The following TMEM184B variants were observed in gnomAD, a reference collection of about 807,000 sequenced individuals.
The protein encoded by TMEM184B is transmembrane protein 184B.
Under a neutral mutation model 41.8 loss-of-function variants are expected in TMEM184B, and 17 were observed. That is an observed-to-expected ratio of 0.41 (90% CI 0.28 to 0.61). TMEM184B has a LOEUF of 0.61. Among genes scored for constraint, TMEM184B ranks in the 20% least tolerant of loss-of-function variants. The pLI, the probability that TMEM184B is intolerant of heterozygous loss-of-function variation, is 0.34. For missense variants in TMEM184B, 393 were observed against 557.8 expected, an observed-to-expected ratio of 0.70 and a Z score of 2.98; for synonymous variants, 240 against 229.5, an observed-to-expected ratio of 1.05 and a Z score of -0.41.
rs572350266 is a variant in TMEM184B at position 38,225,271 on chromosome 22, A to G, written c.787+153T>C. 6.6e-6 allele frequency among the ~76,000 whole-genome samples: 1 copy of G among 152,082 alleles called. No individual in the cohort carries two copies. Among genetic ancestry groups the G allele is most frequent in the Non-Finnish European group, 1.5e-5 (1 of 68,012 alleles). ...CCCTAGCCCCTGGGAAAGGCCCTCG[A>G]GGGCTCAGATTTCACCCCCAGCAAG... On this transcript the variant is annotated intron_variant, in intron 7 of 8. Coordinates refer to ENST00000361906, the MANE Select transcript of TMEM184B (RefSeq NM_012264.5). The surrounding 1 kb of genome is among the most constrained non-coding windows in gnomAD (Gnocchi z 4.4).
rs1329906914 is a variant in TMEM184B, at chr22:38,239,674, G to C, written c.358+6261C>G. On this transcript the variant is annotated intron_variant, in intron 3 of 8. Coordinates refer to ENST00000361906, the MANE Select transcript of TMEM184B (RefSeq NM_012264.5). This position sits in a 1 kb window ranked among gnomAD's most constrained non-coding sequence, Gnocchi z 4.6. ...TGAGACAGCTCTATCCTCAGAACAC[G>C]GTCCAGCTGAGGGCAGTAATGGGAC... 6.6e-6 allele frequency among the ~76,000 whole-genome samples: 1 copy of C among 152,136 alleles called. No homozygotes were observed. The highest frequency in any genetic ancestry group is 6.5e-5 in the Admixed American group (1 of 15,278).
At chr22:38,264,696 G>A (rs2092419683) in intron 1 of TMEM184B, among the ~76,000 whole-genome samples, 1 of 152,166 alleles carries the variant, frequency 6.6e-6, no homozygotes, top group Non-Finnish European at 1.5e-5. Context: ...TATCAAGTCA[G>A]GACAGCCAAC....
intron 1 of TMEM184B, among the ~76,000 whole-genome samples, chr22:38,255,182 T>C (rs1488157041): frequency 1.3e-5 from 2 of 152,172 alleles, no homozygotes; most frequent in Non-Finnish European, 2.9e-5. Context: ...CGTGTCACCA[T>C]GCCCAGCTAA....
intron 2 of TMEM184B, among the ~76,000 whole-genome samples, chr22:38,247,468 C>T (rs1201916595): frequency 1.3e-5 from 2 of 152,198 alleles, no homozygotes; most frequent in South Asian, 2.1e-4. Flanking sequence ...GACTTCTTGG[C>T]GCACGCCTGT....
intron 4 of TMEM184B, 108 bp from the exon 5 acceptor site, chr22:38,230,852 C>T: frequency 9.3e-7 from 1 of 1,079,814 alleles, no homozygotes. Context: ...AGCTGGGGCA[C>T]ACATTCTGGG....
intron 1 of TMEM184B, among the ~76,000 whole-genome samples, chr22:38,264,682 C>T (rs547914108): frequency 5.9e-5 from 9 of 152,264 alleles, no homozygotes; most frequent in South Asian, 2.1e-4. Flanking sequence ...GAAGGCACAC[C>T]GAGTATCAAG....
intron 3 of TMEM184B, among the ~76,000 whole-genome samples, chr22:38,232,950 C>T (rs1409072280): frequency 6.6e-6 from 1 of 152,178 alleles, no homozygotes; most frequent in Non-Finnish European, 1.5e-5. Flanking sequence ...AGGTGAGTGC[C>T]CTCCTACCCA....
chr22:38,242,672 C>A (rs1002192534), intron 3 of TMEM184B, among the ~76,000 whole-genome samples: 4 of 152,212 alleles, frequency 2.6e-5, no homozygotes, highest in African/African-American at 9.6e-5. Flanking sequence ...TGCCCCATCA[C>A]TGACTCTGCA....
chr22:38,272,817 GC>G (rs920558247), intron 1 of TMEM184B, 66 bp downstream of exon 1: 2 of 930,216 alleles, frequency 2.2e-6, no homozygotes, highest in African/African-American at 1.8e-5. Context: ...GAAACAAGCA[GC>G]CCCCCGCGCT....
Position 38,225,483 on chromosome 22 carries a change from T to G in TMEM184B, c.728A>C (p.Tyr243Ser). 6.3e-7 allele frequency: 1 copy of G among 1,591,456 alleles called. No individual in the cohort carries two copies. The highest frequency in any genetic ancestry group is 8.5e-7 in the Non-Finnish European group (1 of 1,172,242). Residue 243 changes from tyrosine to serine, a missense_variant, in exon 7 of 9, where the codon TAC becomes TCC. By Grantham distance (144) the Tyr-to-Ser change is moderately radical. Around this residue, in one of 2 missense-constraint regions of TMEM184B, gnomAD observed 271 missense variants for 434.1 expected, o/e 0.62. Coordinates refer to ENST00000361906, the MANE Select transcript of TMEM184B (RefSeq NM_012264.5). The surrounding 1 kb of genome is among the most constrained non-coding windows in gnomAD (Gnocchi z 4.4). Reference sequence around the variant, plus strand: ...CATGAAGAACTTGAGGACGGGGCTGTAGGGGCTGAGCAGCTCCCGGGTGGC... The same window carrying G: ...CATGAAGAACTTGAGGACGGGGCTGGAGGGGCTGAGCAGCTCCCGGGTGGC... The part of the protein sequence containing the change: ...YFATRELLSP[Y>S]SPVLKFFMVK...
chr22:38,250,704 G>A (rs1380683772), intron 1 of TMEM184B, among the ~76,000 whole-genome samples: 2 of 152,024 alleles, frequency 1.3e-5, no homozygotes, highest in African/African-American at 2.4e-5. Flanking sequence ...GGGGGATGTC[G>A]AAGGCTGTTT....
chr22:38,217,844 AAAAGAAAAG>A (rs1405688618), downstream of TMEM184B, among the ~76,000 whole-genome samples: 3 of 121,548 alleles, frequency 2.5e-5, no homozygotes, highest in East Asian at 2.1e-4. Flanking sequence ...AAAAAAAAAA[AAAAGAAAAG>A]AAAAGAAAAG....
intron 3 of TMEM184B, among the ~76,000 whole-genome samples, chr22:38,244,416 G>A (rs1464871726): frequency 1.3e-5 from 2 of 151,916 alleles, no homozygotes; most frequent in Admixed American, 1.3e-4. Context: ...TAGGAGACAG[G>A]AAACCTCACA....
chr22:38,240,723 A>G (rs1002117668), intron 3 of TMEM184B, among the ~76,000 whole-genome samples: 12 of 141,508 alleles, frequency 8.5e-5, no homozygotes, highest in East Asian at 4.0e-4. Flanking sequence ...AGAGGGGGGG[A>G]AAAAAAGGCA....
chr22:38,234,121 T>C (rs149305096), intron 3 of TMEM184B, among the ~76,000 whole-genome samples: 111 of 152,304 alleles, frequency 7.3e-4, no homozygotes, highest in Middle Eastern at 6.8e-3. Flanking sequence ...ACCCCTCCTC[T>C]GAGAGGTGGG....
At chr22:38,230,566 T>A in intron 5 of TMEM184B, 103 bp downstream of exon 5, 1 of 1,208,406 alleles carries the variant, frequency 8.3e-7, no homozygotes, top group South Asian at 1.3e-5. Context: ...GGGTGCCTCA[T>A]AGGAAAGGGG....
intron 1 of TMEM184B, among the ~76,000 whole-genome samples, chr22:38,248,982 C>A (rs933518284): frequency 1.3e-5 from 2 of 152,198 alleles, no homozygotes; most frequent in Non-Finnish European, 2.9e-5. Context: ...TTTAACCCAG[C>A]CCATGTGCCA....
intron 3 of TMEM184B, among the ~76,000 whole-genome samples, chr22:38,234,801 C>T (rs527633372): frequency 6.6e-6 from 1 of 152,274 alleles, no homozygotes; most frequent in Non-Finnish European, 1.5e-5. Context: ...AGCCATGGGC[C>T]CTGGAGACAG....
intron 3 of TMEM184B, among the ~76,000 whole-genome samples, chr22:38,237,560 G>A (rs902397813): frequency 6.6e-6 from 1 of 152,240 alleles, no homozygotes; most frequent in African/African-American, 2.4e-5. Context: ...GGGGCATTCT[G>A]TATTTCAGAT....
Sources: allele counts gnomAD v4.1 joint callset (sites outside exome capture counted in the v4.1 genomes callset), GRCh38; gene constraint gnomAD v4.1.1; regional missense constraint gnomAD v4.1.1; non-coding constraint Gnocchi (gnomAD v3.1); transcripts MANE v1.5; gene names NCBI Gene and HGNC (gene_info 2026-07-23, HGNC 2026-07-21).